CFAP74: variants seen among roughly 807,000 people sequenced by gnomAD.
CFAP74 encodes cilia and flagella associated protein 74.
CFAP74 carries 124 observed loss-of-function variants against 188.9 expected under a neutral mutation model. The observed-to-expected ratio is 0.66, with a 90% CI of 0.57 to 0.76. CFAP74 has a LOEUF of 0.76. Ranked by LOEUF, CFAP74 falls within the 30% of genes least tolerant of loss-of-function variation. CFAP74 has a pLI of 0.00. For missense variants in CFAP74, 2,198 were observed against 2,165.2 expected (o/e 1.02, Z -0.30); for synonymous variants, 956 against 916.7 (o/e 1.04, Z -0.77).
chr1:1,933,210 A>C (rs1173955941), intron 25 of CFAP74, among the ~76,000 whole-genome samples: 1 of 83,512 alleles, frequency 1.2e-5, no homozygotes, highest in Non-Finnish European at 2.3e-5. Flanking sequence ...TTTGAAATGG[A>C]GTCTCGCTCT....
chr1:1,972,178 T>C (rs1312935370), intron 8 of CFAP74, 96 bp from the exon 9 acceptor site: 21 of 898,182 alleles, frequency 2.3e-5, no homozygotes, highest in Non-Finnish European at 3.6e-5. Flanking sequence ...CCTCCCAGGC[T>C]CAAGTGATCC....
intron 16 of CFAP74, among the ~76,000 whole-genome samples, chr1:1,958,375 G>A (rs1345123598): frequency 6.6e-6 from 1 of 152,180 alleles, no homozygotes; most frequent in Non-Finnish European, 1.5e-5. Flanking sequence ...AGATAATGAC[G>A]TCCCCACTGT....
At position 1,974,047 on chromosome 1, in the gene CFAP74, G is replaced by T. The variant is rs533425606; in HGVS notation, c.652C>A (p.Arg218=). The part of the protein sequence containing the change: ...REQEALGKVE[R]NRLLRIRKSL... ...TACCTGATCCTCAGCAGTCGGTTCC[G>T]CTCCACCTTCCCCAGGGCCTCCTGC... The change falls in exon 7 of 39, where the codon CGG becomes AGG. Residue 218 remains arginine (R), a synonymous_variant. Transcript: ENST00000682832. 9.4e-6 allele frequency: 15 copies of T among 1,591,770 alleles called. No individual in the cohort carries two copies. The African/African-American group carries it at 1.9e-4, about 20-fold the overall frequency.
In CFAP74 at chr1:1,924,444, T is replaced by TGGCCCC. The variant is rs1553214867; in HGVS notation, c.4175_4180dup (p.Arg1392_Gly1393dup). On this transcript the variant is annotated inframe_insertion, in exon 34 of 39. Coordinates refer to ENST00000682832, the MANE Select transcript of CFAP74 (RefSeq NM_001304360.2). The stretch of plus-strand genomic sequence containing the variant: ...GCTGAGGAACTGCGGCAGCTGCTGC[T>TGGCCCC]GGCCCCGGCCCCGGGTGCTGGAGAG... The TGGCCCC allele has an allele frequency of 6.8e-7, 1 of 1,479,882 alleles. No individual in the cohort carries two copies. Among genetic ancestry groups the TGGCCCC allele is most frequent in the African/African-American group, 1.6e-5 (1 of 63,232 alleles). The allele number at this position is 1,479,882 out of a possible 1,614,324, so 91.7% of individuals were successfully genotyped here. A position where few individuals can be genotyped will look rare whatever the true frequency, so the allele number is the denominator to read the frequency against.
chr1:1,976,140 G>A (rs953094618), intron 6 of CFAP74, among the ~76,000 whole-genome samples: 1 of 152,200 alleles, frequency 6.6e-6, no homozygotes, highest in Non-Finnish European at 1.5e-5. Context: ...CCCCCACGAG[G>A]GCAGGGCCCC....
chr1:1,967,984 A>ATGAATGAG (rs1655591939), intron 11 of CFAP74, among the ~76,000 whole-genome samples: 1 of 150,396 alleles, frequency 6.6e-6, no homozygotes, highest in African/African-American at 2.5e-5. Context: ...TGAGTAAAGA[A>ATGAATGAG]TGAATGAGTG....
In CFAP74 at chr1:1,939,756, C is replaced by T. The variant is rs937315584; in HGVS notation, c.2715G>A (p.Val905=). The T allele has an allele frequency of 2.6e-6, 4 of 1,535,882 alleles. No homozygotes were observed. The highest frequency in any genetic ancestry group is 3.5e-6 in the Non-Finnish European group (4 of 1,146,810). ...TGACAATGGCATGCACGGTGAATCCCACTGGCTTGTTCTGAGACATAAAGG... is the reference window on the plus strand; with the variant it reads ...TGACAATGGCATGCACGGTGAATCCTACTGGCTTGTTCTGAGACATAAAGG... ...TIWVADQNKP[V]GFTVHAIVTT... The change falls in exon 24 of 39, where the codon GTG becomes GTA. Residue 905 remains valine, a synonymous_variant. Coordinates refer to ENST00000682832, the MANE Select transcript of CFAP74 (RefSeq NM_001304360.2).
chr1:1,989,512 G>A (rs1325415508), intron 2 of CFAP74, among the ~76,000 whole-genome samples: 1 of 152,248 alleles, frequency 6.6e-6, no homozygotes, highest in East Asian at 1.9e-4. Flanking sequence ...CCAGGCTGGA[G>A]TGCGGTGGCG....
intron 33 of CFAP74, among the ~76,000 whole-genome samples, chr1:1,925,358 ACAGGGCAGTGCGAGGCATGAGAGCACG>A (rs1478965692): frequency 4.0e-5 from 6 of 151,290 alleles, no homozygotes; most frequent in East Asian, 1.9e-4. Flanking sequence ...ATGAGAGCAC[ACAGGGCAGTGCGAGGCATGAGAGCACG>A]CAGGGCAGTG....
intron 1 of CFAP74, among the ~76,000 whole-genome samples, chr1:1,993,148 C>A (rs1215494706): frequency 6.8e-6 from 1 of 147,184 alleles, no homozygotes; most frequent in African/African-American, 2.5e-5. Flanking sequence ...TTGCAGTGAG[C>A]CGAGATCACG....
In CFAP74 at chr1:1,988,873, C is replaced by A. The variant is rs773523485; in HGVS notation, c.152+16G>T. 2.5e-6 allele frequency: 3 copies of A among 1,219,272 alleles called. No homozygotes were observed. The South Asian group carries it at 3.7e-5, about 15-fold the overall frequency. 75.5% of individuals were successfully genotyped at this position (1,219,272 alleles called of 1,614,324 possible). On this transcript the variant is annotated intron_variant, in intron 3 of 38. Transcript: ENST00000682832. ...ACCCCCCCACACCCACCTCCACCCC[C>A]GATCCTCCGAGTTACCTGCTGTGTC...
chr1:1,943,966 T>C lies in CFAP74; in HGVS notation c.2486+365A>G, dbSNP rs140777619. ...AAGCCGACAGTGCAGTGTCTTCAAA[T>C]CGGCCTGACTCTGACCCTCCTGCCT... is the stretch of plus-strand genomic sequence containing the variant. On this transcript the variant is annotated intron_variant, in intron 21 of 38. Transcript: ENST00000682832. Among the ~76,000 whole-genome samples the C allele has an allele frequency of 3.6e-3, 547 of 152,184 alleles. 7 individuals are homozygous for C. Among genetic ancestry groups the C allele is most frequent in the Middle Eastern group, 0.017 (5 of 294 alleles).
intron 20 of CFAP74, among the ~76,000 whole-genome samples, chr1:1,945,998 A>G (rs940631398): frequency 6.8e-6 from 1 of 147,276 alleles, no homozygotes; most frequent in Non-Finnish European, 1.5e-5. Context: ...GCATGTGTGC[A>G]TGTGTGCGGG....
At chr1:1,958,284 C>G (rs1434240146) in intron 16 of CFAP74, among the ~76,000 whole-genome samples, 5 of 152,234 alleles carry the variant, frequency 3.3e-5, no homozygotes, top group Non-Finnish European at 5.9e-5. Flanking sequence ...TGTTCCTCCT[C>G]TAGTGTAAGA....
At chr1:1,944,243 G>A (rs1653592698) in intron 21 of CFAP74, 88 bp downstream of exon 21, 3 of 1,485,474 alleles carry the variant, frequency 2.0e-6, no homozygotes. Flanking sequence ...GCGTGGACAG[G>A]AGGGGGCTCA....
chr1:1,942,309 A>T lies in CFAP74; in HGVS notation c.2487-153T>A, dbSNP rs1198731099. On this transcript the variant is annotated intron_variant, in intron 21 of 38. Coordinates refer to ENST00000682832, the MANE Select transcript of CFAP74 (RefSeq NM_001304360.2). The surrounding 1 kb of genome is among the most constrained non-coding windows in gnomAD (Gnocchi z 4.3). ...CAAGCCATGCACGTGCACCTCGACA[A>T]TCGGAGTCCTCAAAGCCCTGCTTTG... Among the ~76,000 whole-genome samples the T allele has an allele frequency of 6.6e-6, 1 of 152,116 alleles. No individual in the cohort carries two copies. The highest frequency in any genetic ancestry group is 2.4e-5 in the African/African-American group (1 of 41,410).
chr1:1,988,995 TAA>T (rs144487103), intron 2 of CFAP74, 22 bp from the exon 3 acceptor site: 8,922 of 895,354 alleles, frequency 1.0e-2, no homozygotes, highest in South Asian at 0.02. Context: ...GGCAAGAGTT[TAA>T]AAAAAAAAAA....
At position 1,926,910 on chromosome 1, in the gene CFAP74, C is replaced by T. The variant is rs760122982; in HGVS notation, c.3646G>A (p.Glu1216Lys). 3.7e-5 allele frequency: 58 copies of T among 1,550,106 alleles called. No individual in the cohort carries two copies. Among genetic ancestry groups the T allele is most frequent in the Non-Finnish European group, 5.0e-5 (57 of 1,146,874 alleles). Residue 1216 changes from glutamate (E) to lysine (K), a missense_variant, in exon 29 of 39, where the codon GAA becomes AAA. Coordinates refer to ENST00000682832, the MANE Select transcript of CFAP74 (RefSeq NM_001304360.2). ...ACCCCGCACCTGAAGCTCAGGGGTT[C>T]TGACCCCTTCCTGTCTTTGATGTCG... Reference protein sequence around the residue: ...SGDIKDRKGSEPLSFSPHNTL... With the variant: ...SGDIKDRKGSKPLSFSPHNTL...
chr1:1,926,598 C>T lies in CFAP74; in HGVS notation c.3772+54G>A, dbSNP rs983151832. 64 of 1,545,456 alleles carry T rather than the reference C, an allele frequency of 4.1e-5. No homozygotes were observed. In the Admixed American group the frequency reaches 7.5e-4, roughly 18 times the overall value. On this transcript the variant is annotated intron_variant, in intron 30 of 38. Transcript: ENST00000682832. The stretch of plus-strand genomic sequence containing the variant: ...GGGTGGGCCGTGGGGCTGGGGGAGG[C>T]GTGGGTGTGCCTGGGCACCGGGGTG...
Sources: allele counts gnomAD v4.1 joint callset (sites outside exome capture counted in the v4.1 genomes callset), GRCh38; gene constraint gnomAD v4.1.1; non-coding constraint Gnocchi (gnomAD v3.1); transcripts MANE v1.5; gene names NCBI Gene and HGNC (gene_info 2026-07-23, HGNC 2026-07-21).